Variants in NBAS observed in about 807,000 individuals in gnomAD.
The protein encoded by NBAS is NAG/BC035112 fusion.
Under a neutral mutation model 302.5 loss-of-function variants are expected in NBAS, and 219 were observed. That is an observed-to-expected ratio of 0.72 (90% CI 0.65 to 0.81). The LOEUF is 0.81. Ranked by LOEUF, NBAS falls within the 30% of genes least tolerant of loss-of-function variation. The probability of loss-of-function intolerance (pLI) is 0.00; values close to 1 mark genes in which losing one functional copy is unlikely to be tolerated. For missense variants in NBAS, 2,932 were observed against 2,841.6 expected, an observed-to-expected ratio of 1.03 and a Z score of -0.72; for synonymous variants, 1,118 against 1,021.6, an observed-to-expected ratio of 1.09 and a Z score of -1.80.
the NBAS span, among the ~76,000 whole-genome samples, chr2:14,924,623 C>G: frequency 1.3e-5 from 2 of 152,342 alleles, no homozygotes; most frequent in East Asian, 3.9e-4. Context: ...TCCCGATAAT[C>G]TGAAAAGACT....
At chr2:15,126,099 T>C in the NBAS span, among the ~76,000 whole-genome samples, 1 of 152,260 alleles carries the variant, frequency 6.6e-6, no homozygotes, top group Non-Finnish European at 1.5e-5. Context: ...ATGAATGACT[T>C]AGCACCATTC....
the NBAS span, among the ~76,000 whole-genome samples, chr2:14,783,750 T>C: frequency 1.3e-5 from 2 of 152,092 alleles, no homozygotes; most frequent in African/African-American, 4.8e-5. Context: ...TTCCAAGTCT[T>C]TGCTATTGTG....
At chr2:15,025,842 AT>A in the NBAS span, among the ~76,000 whole-genome samples, 1 of 152,188 alleles carries the variant, frequency 6.6e-6, no homozygotes, top group Non-Finnish European at 1.5e-5. Context: ...AAAGTTGCTT[AT>A]CAGCTCAAGT....
chr2:15,206,896 G>A (rs896692170), intron 48 of NBAS, among the ~76,000 whole-genome samples: 14 of 152,196 alleles, frequency 9.2e-5, no homozygotes, highest in African/African-American at 3.4e-4. Flanking sequence ...CAGCCCTCAT[G>A]GAGAACCTCT....
chr2:15,040,252 A>G, the NBAS span, among the ~76,000 whole-genome samples: 1 of 152,182 alleles, frequency 6.6e-6, no homozygotes, highest in Admixed American at 6.5e-5. Flanking sequence ...TAACCTCGCC[A>G]CAGTCCAGCA....
At chr2:14,847,184 C>A in the NBAS span, among the ~76,000 whole-genome samples, 1 of 151,770 alleles carries the variant, frequency 6.6e-6, no homozygotes, top group Non-Finnish European at 1.5e-5. Flanking sequence ...GAGATTGAGA[C>A]CATCCTGGCT....
chr2:15,296,727 T>A (rs1670568661), intron 40 of NBAS, among the ~76,000 whole-genome samples: 1 of 152,028 alleles, frequency 6.6e-6, no homozygotes, highest in South Asian at 2.1e-4. Context: ...TAGTCCTACC[T>A]ACTAGGGAGG....
At chr2:14,954,228 C>A in the NBAS span, among the ~76,000 whole-genome samples, 1 of 152,134 alleles carries the variant, frequency 6.6e-6, no homozygotes, top group East Asian at 1.9e-4. Flanking sequence ...GGTGTTTTCC[C>A]AGGATGTGCT....
intron 23 of NBAS, among the ~76,000 whole-genome samples, chr2:15,419,333 A>ATG (rs1268019723): frequency 1.1e-3 from 56 of 51,582 alleles, no homozygotes; most frequent in South Asian, 2.4e-3. Context: ...TCATACATAT[A>ATG]TATGTGTGTG....
At chr2:14,988,070 G>A in the NBAS span, among the ~76,000 whole-genome samples, 1 of 152,126 alleles carries the variant, frequency 6.6e-6, no homozygotes, top group African/African-American at 2.4e-5. Context: ...GTGAAGAAAA[G>A]TGTGAGCCAG....
At chr2:14,908,419 A>G in the NBAS span, among the ~76,000 whole-genome samples, 1 of 152,234 alleles carries the variant, frequency 6.6e-6, no homozygotes, top group Non-Finnish European at 1.5e-5. Context: ...TTGAAAGTAC[A>G]GAAAAGCATC....
chr2:15,326,988 C>T (rs143361460), intron 38 of NBAS, among the ~76,000 whole-genome samples: 20 of 152,200 alleles, frequency 1.3e-4, no homozygotes, highest in Non-Finnish European at 2.1e-4. Context: ...TACATAGGAA[C>T]GTGCTCAGTT....
the NBAS span, among the ~76,000 whole-genome samples, chr2:15,050,219 C>T: frequency 1.9e-4 from 29 of 152,210 alleles, no homozygotes; most frequent in African/African-American, 6.7e-4. Context: ...CCCTCCCATG[C>T]GCCACTACAT....
chr2:15,449,821 G>A (rs751478161), intron 21 of NBAS, among the ~76,000 whole-genome samples: 3 of 152,096 alleles, frequency 2.0e-5, no homozygotes, highest in African/African-American at 4.8e-5. Context: ...TCCTCTCTGC[G>A]GACAGTCACC....
chr2:15,098,597 TTA>T, the NBAS span, among the ~76,000 whole-genome samples: 1 of 98,804 alleles, frequency 1.0e-5, no homozygotes, highest in Non-Finnish European at 1.9e-5. Context: ...ATTATATATA[TTA>T]TATATTGTAT....
intron 50 of NBAS, among the ~76,000 whole-genome samples, chr2:15,184,250 T>C (rs1664966263): frequency 6.6e-6 from 1 of 152,142 alleles, no homozygotes; most frequent in Admixed American, 6.5e-5. Flanking sequence ...GGACTGGTTT[T>C]GTGGATGAAA....
chr2:15,281,121 T>C (rs1351281406), intron 42 of NBAS, among the ~76,000 whole-genome samples: 1 of 152,216 alleles, frequency 6.6e-6, no homozygotes, highest in Admixed American at 6.5e-5. Context: ...ATCATGCTGA[T>C]ATTCAGTGAG....
the NBAS span, among the ~76,000 whole-genome samples, chr2:14,961,781 T>A: frequency 6.6e-6 from 1 of 152,186 alleles, no homozygotes; most frequent in Non-Finnish European, 1.5e-5. Flanking sequence ...GCCATAACCC[T>A]TCTCTATGAT....
intron 48 of NBAS, among the ~76,000 whole-genome samples, chr2:15,194,350 A>T (rs924172755): frequency 5.9e-5 from 9 of 152,176 alleles, no homozygotes; most frequent in Non-Finnish European, 1.3e-4. Flanking sequence ...AATGTGAATA[A>T]TAATGGATTT....
Sources: allele counts gnomAD v4.1 joint callset (sites outside exome capture counted in the v4.1 genomes callset), GRCh38; gene constraint gnomAD v4.1.1; transcripts MANE v1.5; gene names NCBI Gene and HGNC (gene_info 2026-07-23, HGNC 2026-07-21).